The following ATPSCKMT variants were observed in gnomAD, a reference collection of about 807,000 sequenced individuals.
ATPSCKMT encodes the protein ATP synthase subunit C lysine N-methyltransferase.
A neutral mutation model predicts 24.3 loss-of-function variants in ATPSCKMT; 24 were observed. The observed-to-expected ratio is 0.99, with a 90% CI of 0.71 to 1.39. The LOEUF is 1.39. Among genes scored for constraint, ATPSCKMT ranks in the 40% most tolerant of loss-of-function variants. ATPSCKMT has a pLI of 0.00. For synonymous variants in ATPSCKMT, 95 were observed against 110.5 expected, an observed-to-expected ratio of 0.86 and a Z score of 0.88; for missense variants, 311 against 298.4, an observed-to-expected ratio of 1.04 and a Z score of -0.31.
At chr5:10,246,811 C>T (rs1744953134) in intron 1 of ATPSCKMT, among the ~76,000 whole-genome samples, 1 of 152,162 alleles carries the variant, frequency 6.6e-6, no homozygotes, top group Non-Finnish European at 1.5e-5. Flanking sequence ...GGGTGGGGTC[C>T]AGGAGAGGCA....
At position 10,225,941 on chromosome 5, in the gene ATPSCKMT, G is replaced by C. The variant is rs563339681; in HGVS notation, c.*1500C>G. Reference sequence around the variant, plus strand: ...CAGTGGAAGGCAACTGAGAGGCATAGAGCAAGAGCTGCCCTCCCACTAAAG... The same window carrying C: ...CAGTGGAAGGCAACTGAGAGGCATACAGCAAGAGCTGCCCTCCCACTAAAG... On this transcript the variant is annotated 3_prime_UTR_variant, in exon 5 of 5. Transcript: ENST00000511437. Among the ~76,000 whole-genome samples the C allele has an allele frequency of 4.0e-4, 61 of 152,292 alleles. No homozygotes were observed. Among genetic ancestry groups the C allele is most frequent in the South Asian group, 2.3e-3 (11 of 4,826 alleles).
chr5:10,231,441 ACCCAAGGCTCCTG>A (rs1357433688), intron 4 of ATPSCKMT, among the ~76,000 whole-genome samples: 5 of 151,916 alleles, frequency 3.3e-5, no homozygotes, highest in Non-Finnish European at 1.5e-5. Context: ...CTCTCTGCTC[ACCCAAGGCTCCTG>A]CCCTTCCAAG....
At chr5:10,232,934 T>G (rs563473948) in intron 4 of ATPSCKMT, among the ~76,000 whole-genome samples, 1 of 152,382 alleles carries the variant, frequency 6.6e-6, no homozygotes, top group South Asian at 2.1e-4. Flanking sequence ...TAAACATGGA[T>G]GTTCACAACC....
At chr5:10,242,243 C>A (rs1292360920) in intron 1 of ATPSCKMT, among the ~76,000 whole-genome samples, 1 of 152,234 alleles carries the variant, frequency 6.6e-6, no homozygotes, top group Admixed American at 6.5e-5. Flanking sequence ...AGTGGAACTT[C>A]TTCCAAATTT....
In ATPSCKMT at chr5:10,236,595, T is replaced by C. The variant is rs777757656; in HGVS notation, c.327A>G (p.Lys109=). 35 of 1,614,072 alleles carry C rather than the reference T, an allele frequency of 2.2e-5. No homozygotes were observed. The South Asian group carries it at 3.2e-4, about 15-fold the overall frequency. The change falls in exon 3 of 5, where the codon AAA becomes AAG. Residue 109 remains lysine, a synonymous_variant. Coordinates refer to ENST00000511437, the MANE Select transcript of ATPSCKMT (RefSeq NM_199133.4). ...ATTCATAACCAACTGCTGTGAACCC[T>C]TTCTTCGCAGCCGCTATGACCTGTG... ...DGRIVIAAAK[K]GFTAVGYELN...
At chr5:10,249,812 C>A (rs1161866361) in intron 1 of ATPSCKMT, 46 bp downstream of exon 1, 4 of 1,537,356 alleles carry the variant, frequency 2.6e-6, no homozygotes, top group East Asian at 2.3e-5. Context: ...CCCGCCCGCA[C>A]CCCTTCTCAT....
intron 2 of ATPSCKMT, 55 bp downstream of exon 2, chr5:10,239,012 A>G: frequency 6.4e-7 from 1 of 1,569,068 alleles, no homozygotes; most frequent in Non-Finnish European, 8.6e-7. Context: ...ACTAAATGTA[A>G]AGCAGAAATT....
rs762541865 is a variant in ATPSCKMT at position 10,235,251 on chromosome 5, G to A, written c.455C>T (p.Ser152Leu). The A allele has an allele frequency of 6.2e-6, 10 of 1,613,128 alleles. No homozygotes were observed. The highest frequency in any genetic ancestry group is 2.2e-5 in the East Asian group (1 of 44,830). The change falls in exon 4 of 5, where the codon TCG becomes TTG. Residue 152 changes from serine to leucine, a missense_variant. Coordinates refer to ENST00000511437, the MANE Select transcript of ATPSCKMT (RefSeq NM_199133.4). ...GAAAATAACAACGTTCGAGTACTGC[G>A]AAAAAGTAACCTGAACAAGGTGGGA... is the stretch of plus-strand genomic sequence containing the variant. ...YISDLWKVTFSQYSNVVIFGV... is the reference protein window; with the variant it reads ...YISDLWKVTFLQYSNVVIFGV...
rs1743922832 is a variant in ATPSCKMT at position 10,227,298 on chromosome 5, T to C, written c.*143A>G. ...AAATCTACCTGTTTTTCTTCGTTTG[T>C]TTTCTCCAACAGTTAAGGAAAGTAA... On this transcript the variant is annotated 3_prime_UTR_variant, in exon 5 of 5. Coordinates refer to ENST00000511437, the MANE Select transcript of ATPSCKMT (RefSeq NM_199133.4). The C allele has an allele frequency of 3.5e-6, 3 of 867,138 alleles. No homozygotes were observed. Among genetic ancestry groups the C allele is most frequent in the East Asian group, 2.7e-5 (1 of 37,368 alleles). 53.7% of individuals were successfully genotyped at this position (867,138 alleles called of 1,614,324 possible).
intron 1 of ATPSCKMT, chr5:10,244,478 G>A (rs1744795352): frequency 6.6e-6 from 1 of 152,184 alleles, no homozygotes; most frequent in Non-Finnish European, 1.5e-5. Context: ...AAGATCGCTT[G>A]AGCCCGGGAA....
At chr5:10,247,214 C>A (rs576035403) in intron 1 of ATPSCKMT, among the ~76,000 whole-genome samples, 1 of 152,182 alleles carries the variant, frequency 6.6e-6, no homozygotes, top group African/African-American at 2.4e-5. Context: ...AGTCTTGCAA[C>A]GTAACAAACA....
intron 2 of ATPSCKMT, 153 bp downstream of exon 2, chr5:10,238,914 G>T: frequency 1.1e-6 from 1 of 870,628 alleles, no homozygotes; most frequent in Non-Finnish European, 1.7e-6. Flanking sequence ...AAACACACTG[G>T]TAGTTGAATA....
intron 1 of ATPSCKMT, among the ~76,000 whole-genome samples, chr5:10,249,001 C>T (rs776335648): frequency 2.6e-5 from 4 of 152,112 alleles, no homozygotes; most frequent in African/African-American, 4.8e-5. Flanking sequence ...TGCCGGGCAC[C>T]GCGGTGGCTC....
At chr5:10,234,389 G>A (rs1744284154) in intron 4 of ATPSCKMT, among the ~76,000 whole-genome samples, 1 of 152,064 alleles carries the variant, frequency 6.6e-6, no homozygotes, top group South Asian at 2.1e-4. Context: ...AAAGAATATG[G>A]CATTATACTG....
chr5:10,241,065 A>T (rs914461334), intron 1 of ATPSCKMT, among the ~76,000 whole-genome samples: 1 of 151,762 alleles, frequency 6.6e-6, no homozygotes. Context: ...GTCTGAAATG[A>T]ATTGGCAGGC....
chr5:10,239,752 A>T (rs1201139141), intron 1 of ATPSCKMT, among the ~76,000 whole-genome samples: 1 of 152,214 alleles, frequency 6.6e-6, no homozygotes, highest in African/African-American at 2.4e-5. Flanking sequence ...AAGCATAAAG[A>T]TGTCTAATTA....
chr5:10,227,371 G>C lies in ATPSCKMT; in HGVS notation c.*70C>G. 6.6e-7 allele frequency: 1 copy of C among 1,506,972 alleles called. No individual in the cohort carries two copies. Among genetic ancestry groups the C allele is most frequent in the Middle Eastern group, 1.8e-4 (1 of 5,526 alleles). The allele number at this position is 1,506,972 out of a possible 1,614,324, so 93.4% of individuals were successfully genotyped here. A position where few individuals can be genotyped will look rare whatever the true frequency, so the allele number is the denominator to read the frequency against. Reference sequence around the variant, plus strand: ...AAAGACAATTATGCTCCTTTGCTAAGGACACAGCTGTAAGTCTCTACAAGA... The same window carrying C: ...AAAGACAATTATGCTCCTTTGCTAACGACACAGCTGTAAGTCTCTACAAGA... On this transcript the variant is annotated 3_prime_UTR_variant, in exon 5 of 5. Coordinates refer to ENST00000511437, the MANE Select transcript of ATPSCKMT (RefSeq NM_199133.4).
intron 4 of ATPSCKMT, among the ~76,000 whole-genome samples, chr5:10,233,855 A>C (rs1386297615): frequency 6.6e-6 from 1 of 152,258 alleles, no homozygotes; most frequent in East Asian, 1.9e-4. Flanking sequence ...ATCACAGGTA[A>C]TAAATCACCA....
chr5:10,244,254 A>C (rs543222219), intron 1 of ATPSCKMT, among the ~76,000 whole-genome samples: 1 of 152,376 alleles, frequency 6.6e-6, no homozygotes, highest in African/African-American at 2.4e-5. Flanking sequence ...TCACCATAAC[A>C]GACATAAAAA....
Sources: gnomAD v4.1 joint callset for allele counts (sites outside exome capture counted in the v4.1 genomes callset) on GRCh38, gnomAD v4.1.1 for gene constraint, MANE v1.5 for transcripts, NCBI Gene and HGNC (gene_info 2026-07-23, HGNC 2026-07-21) for gene names.